NRCAM: variants seen among roughly 807,000 people sequenced by gnomAD.
The protein encoded by NRCAM is NgCAM-related cell adhesion molecule.
In NRCAM, 83 loss-of-function variants were observed where a neutral mutation model predicts 156.5. The observed-to-expected ratio is 0.53, with a 90% CI of 0.44 to 0.64. The LOEUF (loss-of-function observed/expected upper bound fraction) is 0.64, where lower values mean the gene tolerates loss of function less well. NRCAM is among the 30% of genes least tolerant of loss of function. The probability of loss-of-function intolerance (pLI) is 0.00; values close to 1 mark genes in which losing one functional copy is unlikely to be tolerated. For synonymous variants in NRCAM, 538 were observed against 563.9 expected, an observed-to-expected ratio of 0.95 and a Z score of 0.65; for missense variants, 1,417 against 1,597.3, an observed-to-expected ratio of 0.89 and a Z score of 1.92.
intron 11 of NRCAM, among the ~76,000 whole-genome samples, chr7:108,219,062 T>C (rs1392651741): frequency 2.6e-5 from 4 of 152,080 alleles, no homozygotes; most frequent in African/African-American, 7.2e-5. Flanking sequence ...AAAAGCTCAC[T>C]CAAGGCTGCT....
chr7:108,372,402 T>A (rs2099634281), intron 2 of NRCAM, among the ~76,000 whole-genome samples: 1 of 152,020 alleles, frequency 6.6e-6, no homozygotes, highest in Admixed American at 6.6e-5. Context: ...AAGGAAATTA[T>A]CAATAGAGTT....
At chr7:108,452,776 T>C (rs182678509) in intron 1 of NRCAM, among the ~76,000 whole-genome samples, 39 of 152,306 alleles carry the variant, frequency 2.6e-4, no homozygotes, top group African/African-American at 9.4e-4. Flanking sequence ...TTGCTATGGG[T>C]TACCGAGCTT....
chr7:108,301,821 T>C (rs980746837), intron 3 of NRCAM, among the ~76,000 whole-genome samples: 1 of 152,174 alleles, frequency 6.6e-6, no homozygotes, highest in Non-Finnish European at 1.5e-5. Context: ...GGTGCATTCA[T>C]TATGGTGAAT....
chr7:108,283,040 C>T lies in NRCAM; in HGVS notation c.-107+29625G>A, dbSNP rs867372649. On this transcript the variant is annotated intron_variant, in intron 3 of 32. Coordinates refer to ENST00000379028, the MANE Select transcript of NRCAM (RefSeq NM_001037132.4). ...CAGTGTTTAAAAATGCTTCTCTGTT[C>T]CCTACTCTCTAAGTATACTGACTTT... Among the ~76,000 whole-genome samples the T allele has an allele frequency of 1.1e-3, 155 of 147,152 alleles. 1 individual carries two copies. The Middle Eastern group carries it at 0.014, about 13-fold the overall frequency.
At chr7:108,429,878 G>A (rs901752436) in intron 1 of NRCAM, among the ~76,000 whole-genome samples, 1 of 152,324 alleles carries the variant, frequency 6.6e-6, no homozygotes, top group African/African-American at 2.4e-5. Context: ...AGTAAGTGGT[G>A]AGGAGGTGAA....
chr7:108,416,168 T>C (rs180738522), intron 1 of NRCAM, among the ~76,000 whole-genome samples: 108 of 152,374 alleles, frequency 7.1e-4, no homozygotes, highest in Admixed American at 1.1e-3. Context: ...GATATTCATC[T>C]TCATGGAGCA....
At chr7:108,270,553 T>C (rs2097305240) in intron 3 of NRCAM, among the ~76,000 whole-genome samples, 4 of 152,102 alleles carry the variant, frequency 2.6e-5, no homozygotes, top group South Asian at 2.1e-4. Flanking sequence ...CAAATAACTA[T>C]ACTAATTCAA....
At chr7:108,370,070 C>T (rs571009061) in intron 2 of NRCAM, among the ~76,000 whole-genome samples, 1 of 152,194 alleles carries the variant, frequency 6.6e-6, no homozygotes, top group South Asian at 2.1e-4. Context: ...AAACTGCTGA[C>T]CTATTTTCTA....
intron 20 of NRCAM, among the ~76,000 whole-genome samples, chr7:108,188,501 T>A (rs420464): frequency 0.89 from 135,169 of 151,694 alleles, 60,380 homozygotes; most frequent in East Asian, 0.99. Flanking sequence ...TAAGCTCCAT[T>A]ACCACAGAGA....
chr7:108,200,672 C>T (rs1189857982), intron 13 of NRCAM, among the ~76,000 whole-genome samples: 5 of 151,574 alleles, frequency 3.3e-5, no homozygotes, highest in Admixed American at 3.3e-4. Context: ...GATAGCAGCA[C>T]AATTCGCAAT....
At chr7:108,194,518 A>T in intron 15 of NRCAM, 90 bp from the exon 16 acceptor site, 1 of 825,562 alleles carries the variant, frequency 1.2e-6, no homozygotes, top group Non-Finnish European at 1.9e-6. Flanking sequence ...CAACATGACC[A>T]TGATGAATGT....
chr7:108,412,177 G>GA (rs1017710144), intron 1 of NRCAM, among the ~76,000 whole-genome samples: 5 of 149,510 alleles, frequency 3.3e-5, no homozygotes, highest in Admixed American at 6.7e-5. Context: ...TCTCAAAGGC[G>GA]AAAAAAAACA....
intron 3 of NRCAM, among the ~76,000 whole-genome samples, chr7:108,297,358 T>A (rs1258477470): frequency 6.6e-6 from 1 of 152,228 alleles, no homozygotes; most frequent in African/African-American, 2.4e-5. Flanking sequence ...CCTTTCCTCC[T>A]GCTAGCAGAA....
intron 2 of NRCAM, among the ~76,000 whole-genome samples, chr7:108,340,075 G>A (rs570388565): frequency 6.6e-6 from 1 of 152,224 alleles, no homozygotes; most frequent in East Asian, 1.9e-4. Context: ...GAGACAACTC[G>A]CAATTATGTA....
chr7:108,250,391 A>G (rs2096259738), intron 3 of NRCAM, among the ~76,000 whole-genome samples: 1 of 137,892 alleles, frequency 7.3e-6, no homozygotes, highest in South Asian at 2.3e-4. Flanking sequence ...GTGCCATGGC[A>G]CTCCAGTCTG....
chr7:108,219,446 C>T (rs1025471838), intron 11 of NRCAM, among the ~76,000 whole-genome samples: 1 of 152,006 alleles, frequency 6.6e-6, no homozygotes, highest in African/African-American at 2.4e-5. Context: ...ATGCTAAAAT[C>T]CTTAACAAAA....
At chr7:108,454,115 G>A (rs1281084860) in intron 1 of NRCAM, among the ~76,000 whole-genome samples, 1 of 152,164 alleles carries the variant, frequency 6.6e-6, no homozygotes, top group Non-Finnish European at 1.5e-5. Flanking sequence ...GTTGGATTGT[G>A]GGTTAACAGC....
At chr7:108,156,247 C>A (rs1422451263) in intron 32 of NRCAM, 2 of 973,072 alleles carry the variant, frequency 2.1e-6, no homozygotes, top group Non-Finnish European at 2.4e-6. Flanking sequence ...CCCATGTTCA[C>A]ATGAATGACA....
At chr7:108,397,019 T>G (rs2099778637) in intron 2 of NRCAM, among the ~76,000 whole-genome samples, 1 of 152,210 alleles carries the variant, frequency 6.6e-6, no homozygotes, top group African/African-American at 2.4e-5. Flanking sequence ...CCAAAGCAAG[T>G]GTCATTGGTG....
Sources: allele counts gnomAD v4.1 joint callset (sites outside exome capture counted in the v4.1 genomes callset), GRCh38; gene constraint gnomAD v4.1.1; transcripts MANE v1.5; gene names NCBI Gene and HGNC (gene_info 2026-07-23, HGNC 2026-07-21).